Variants in PPARG observed in about 807,000 individuals in gnomAD.
PPARG encodes the protein peroxisome proliferator activated receptor gamma.
Under a neutral mutation model 39.2 loss-of-function variants are expected in PPARG, and 17 were observed. The ratio of observed to expected loss-of-function variants is 0.43; its 90% CI spans 0.30 to 0.65. The LOEUF (loss-of-function observed/expected upper bound fraction) is 0.65. Among genes scored for constraint, PPARG ranks in the 30% least tolerant of loss-of-function variants. PPARG has a pLI of 0.13. For synonymous variants in PPARG, 223 were observed against 215.7 expected (o/e 1.03, Z -0.30); for missense variants, 406 against 585.9 (o/e 0.69, Z 3.17).
chr3:12,322,429 A>G (rs1204044187), intron 2 of PPARG, among the ~76,000 whole-genome samples: 2 of 152,248 alleles, frequency 1.3e-5, no homozygotes, highest in African/African-American at 2.4e-5. Flanking sequence ...TTCAAAGACA[A>G]TACCTACAAC....
chr3:12,362,353 A>G (rs2048873265), intron 2 of PPARG, among the ~76,000 whole-genome samples: 1 of 151,972 alleles, frequency 6.6e-6, no homozygotes, highest in South Asian at 2.1e-4. Flanking sequence ...CCCTGTCTCT[A>G]CTAAAAATAC....
chr3:12,343,900 AC>A (rs1210407245), intron 2 of PPARG, among the ~76,000 whole-genome samples: 1 of 137,796 alleles, frequency 7.3e-6, no homozygotes, highest in Non-Finnish European at 1.5e-5. Flanking sequence ...TTGCTCTATC[AC>A]CCAGGCTGGA....
At chr3:12,294,124 T>TA (rs2046718955) in intron 1 of PPARG, among the ~76,000 whole-genome samples, 1 of 151,966 alleles carries the variant, frequency 6.6e-6, no homozygotes, top group Non-Finnish European at 1.5e-5. Context: ...AAAGAGGGGG[T>TA]TAGGAGAGGG....
chr3:12,292,588 A>G (rs2046674243), intron 1 of PPARG, among the ~76,000 whole-genome samples: 1 of 152,238 alleles, frequency 6.6e-6, no homozygotes, highest in Non-Finnish European at 1.5e-5. Flanking sequence ...AGTAGGGAGT[A>G]AGTGGAAAAA....
At chr3:12,421,555 T>C (rs1187325443) in intron 7 of PPARG, among the ~76,000 whole-genome samples, 1 of 152,146 alleles carries the variant, frequency 6.6e-6, no homozygotes, top group Non-Finnish European at 1.5e-5. Flanking sequence ...GAAGAAAAAG[T>C]GTAGGAGAGT....
chr3:12,291,418 G>A (rs534977058), intron 1 of PPARG, among the ~76,000 whole-genome samples: 12 of 152,210 alleles, frequency 7.9e-5, no homozygotes, highest in Admixed American at 4.6e-4. Context: ...GTTTCATAGC[G>A]TTCTAAATCA....
chr3:12,307,127 G>T (rs1196112706), intron 1 of PPARG, among the ~76,000 whole-genome samples: 1 of 141,916 alleles, frequency 7.0e-6, no homozygotes, highest in Admixed American at 7.1e-5. Flanking sequence ...ATCAACCGCT[G>T]TTAGGAAATT....
At chr3:12,369,854 T>A (rs2049146791) in intron 2 of PPARG, among the ~76,000 whole-genome samples, 1 of 152,210 alleles carries the variant, frequency 6.6e-6, no homozygotes, top group Non-Finnish European at 1.5e-5. Flanking sequence ...TAATTCATCC[T>A]CAAACTCTCT....
rs35206526 is a variant in PPARG, at chr3:12,351,537, CTAGA to C, written c.-8-28162_-8-28159del. Reference sequence around the variant, plus strand: ...TTTCTTTTAACGGATTGATCTTTTGCTAGATAGAGACAAAATATCAGTGTGAATT... The same window carrying C: ...TTTCTTTTAACGGATTGATCTTTTGCTAGAGACAAAATATCAGTGTGAATT... On this transcript the variant is annotated intron_variant, in intron 2 of 7. Transcript: ENST00000651735. 410 of 1,324,896 alleles carry C rather than the reference CTAGA, an allele frequency of 3.1e-4. 1 individual carries two copies. In the African/African-American group the frequency reaches 5.6e-3, roughly 18 times the overall value. The allele number at this position is 1,324,896 out of a possible 1,614,324, so 82.1% of individuals were successfully genotyped here.
chr3:12,418,104 C>T (rs1460580484), intron 7 of PPARG, among the ~76,000 whole-genome samples: 1 of 151,658 alleles, frequency 6.6e-6, no homozygotes, highest in Non-Finnish European at 1.5e-5. Flanking sequence ...GTAGACAGGA[C>T]AACAGCTGCA....
At chr3:12,326,026 T>A (rs1195774244) in intron 2 of PPARG, among the ~76,000 whole-genome samples, 1 of 152,182 alleles carries the variant, frequency 6.6e-6, no homozygotes, top group African/African-American at 2.4e-5. Flanking sequence ...AATTTAGTGA[T>A]GCTGATGTAA....
At chr3:12,379,974 T>C in intron 3 of PPARG, 43 bp downstream of exon 3, 1 of 1,488,508 alleles carries the variant, frequency 6.7e-7, no homozygotes, top group Non-Finnish European at 9.4e-7. Context: ...AGGACTAGAA[T>C]TGGACTCATC....
intron 1 of PPARG, among the ~76,000 whole-genome samples, chr3:12,300,641 A>G (rs1443365968): frequency 2.0e-5 from 3 of 151,974 alleles, no homozygotes; most frequent in African/African-American, 4.8e-5. Context: ...GCAGACTAAT[A>G]TTAATATCAG....
chr3:12,332,497 C>A (rs2047889973), intron 2 of PPARG, among the ~76,000 whole-genome samples: 1 of 152,156 alleles, frequency 6.6e-6, no homozygotes, highest in African/African-American at 2.4e-5. Flanking sequence ...GGTAGAAGAA[C>A]AACTTTCAGT....
intron 2 of PPARG, among the ~76,000 whole-genome samples, chr3:12,378,515 C>T (rs1006857244): frequency 4.6e-5 from 7 of 151,930 alleles, no homozygotes; most frequent in Admixed American, 2.0e-4. Context: ...CTGTCATTTG[C>T]GACAACAGAG....
intron 5 of PPARG, among the ~76,000 whole-genome samples, chr3:12,400,466 TA>T (rs1286205229): frequency 6.6e-6 from 1 of 152,216 alleles, no homozygotes; most frequent in African/African-American, 2.4e-5. Flanking sequence ...GTGTGTTGTA[TA>T]AAGGAATGCC....
chr3:12,355,760 C>G (rs926514039), intron 2 of PPARG, among the ~76,000 whole-genome samples: 5 of 152,118 alleles, frequency 3.3e-5, no homozygotes, highest in Non-Finnish European at 5.9e-5. Flanking sequence ...TTTATTTTCC[C>G]CTACTATCTC....
intron 4 of PPARG, among the ~76,000 whole-genome samples, chr3:12,390,447 T>A (rs141058793): frequency 3.3e-5 from 5 of 152,100 alleles, no homozygotes; most frequent in Admixed American, 2.0e-4. Context: ...TACTATATAA[T>A]TATGAAAATG....
chr3:12,298,393 A>G (rs1477079920), intron 1 of PPARG, among the ~76,000 whole-genome samples: 5 of 150,542 alleles, frequency 3.3e-5, no homozygotes, highest in Admixed American at 2.6e-4. Flanking sequence ...AAAGTTATAT[A>G]TATGTATAGA....
Sources: gnomAD v4.1 joint callset for allele counts (sites outside exome capture counted in the v4.1 genomes callset) on GRCh38, gnomAD v4.1.1 for gene constraint, MANE v1.5 for transcripts, NCBI Gene and HGNC (gene_info 2026-07-23, HGNC 2026-07-21) for gene names.